The following GLIS3 variants were observed in gnomAD, a reference collection of about 807,000 sequenced individuals.
GLIS3 encodes the protein zinc finger protein GLIS3.
In GLIS3, 53 loss-of-function variants were observed where a neutral mutation model predicts 78.6. The observed-to-expected ratio is 0.67, with a 90% CI of 0.54 to 0.85. GLIS3 has a LOEUF of 0.85. Among genes scored for constraint, GLIS3 ranks in the 40% least tolerant of loss-of-function variants. The pLI is 0.00. For synonymous variants in GLIS3, 684 were observed against 509.9 expected (o/e 1.34, Z -4.60); for missense variants, 1,703 against 1,231.1 (o/e 1.38, Z -5.74).
intron 4 of GLIS3, among the ~76,000 whole-genome samples, chr9:3,978,655 G>C (rs1385708936): frequency 6.6e-6 from 1 of 151,546 alleles, no homozygotes; most frequent in Non-Finnish European, 1.5e-5. Context: ...TACTAATACA[G>C]AGTACATGAA....
chr9:4,265,040 C>T (rs1044734484), intron 2 of GLIS3, among the ~76,000 whole-genome samples: 9 of 151,498 alleles, frequency 5.9e-5, no homozygotes, highest in South Asian at 2.1e-4. Context: ...GGTGTGGTGG[C>T]GGGCGCCTGT....
At chr9:3,894,647 C>T (rs945679447) in intron 7 of GLIS3, among the ~76,000 whole-genome samples, 3 of 152,134 alleles carry the variant, frequency 2.0e-5, no homozygotes, top group Non-Finnish European at 4.4e-5. Context: ...TAACACGTGA[C>T]TTCAAATAAT....
chr9:4,126,107 A>G (rs1259274213), intron 2 of GLIS3, among the ~76,000 whole-genome samples, 166 bp from the exon 3 acceptor site: 2 of 152,086 alleles, frequency 1.3e-5, no homozygotes, highest in Admixed American at 1.3e-4. Flanking sequence ...TCCAATGACA[A>G]AGCCATAACG....
At chr9:3,909,983 G>A (rs890247476) in intron 6 of GLIS3, among the ~76,000 whole-genome samples, 19 of 152,118 alleles carry the variant, frequency 1.2e-4, no homozygotes, top group African/African-American at 4.6e-4. Context: ...CAGCACTACT[G>A]CATACCATGG....
chr9:4,425,594 T>C, the GLIS3 span, among the ~76,000 whole-genome samples: 1 of 152,218 alleles, frequency 6.6e-6, no homozygotes, highest in African/African-American at 2.4e-5. Context: ...GTGGGTTGGG[T>C]TTGCAATGCA....
intron 2 of GLIS3, among the ~76,000 whole-genome samples, chr9:4,190,329 G>C (rs1200476348): frequency 2.0e-5 from 3 of 152,060 alleles, no homozygotes; most frequent in South Asian, 2.1e-4. Flanking sequence ...ATATAGAGAA[G>C]TGCTTAAAGG....
chr9:4,317,732 C>G (rs1817462363), intron 2 of GLIS3, among the ~76,000 whole-genome samples: 1 of 152,116 alleles, frequency 6.6e-6, no homozygotes. Context: ...TATTCAAGTT[C>G]CTACTATGTG....
At chr9:4,380,727 T>C in the GLIS3 span, among the ~76,000 whole-genome samples, 12 of 152,188 alleles carry the variant, frequency 7.9e-5, no homozygotes, top group African/African-American at 2.7e-4. Flanking sequence ...TATGAACATA[T>C]TGTTAAAATT....
intron 4 of GLIS3, among the ~76,000 whole-genome samples, chr9:4,023,808 G>C (rs900955706): frequency 6.6e-6 from 1 of 152,174 alleles, no homozygotes; most frequent in Non-Finnish European, 1.5e-5. Context: ...TGAGGGTGCT[G>C]GTTCACAAAC....
chr9:3,981,164 GC>G (rs1269292879), intron 4 of GLIS3, among the ~76,000 whole-genome samples: 3 of 152,136 alleles, frequency 2.0e-5, no homozygotes, highest in African/African-American at 7.2e-5. Context: ...TAAAACCTTA[GC>G]CCTCTGTGCT....
chr9:4,446,024 A>G, the GLIS3 span, among the ~76,000 whole-genome samples: 7 of 152,248 alleles, frequency 4.6e-5, no homozygotes, highest in Non-Finnish European at 1.0e-4. Flanking sequence ...AAATCTCCCA[A>G]TTTTTAAATT....
intron 4 of GLIS3, among the ~76,000 whole-genome samples, chr9:4,046,914 T>C (rs935223590): frequency 2.6e-5 from 4 of 152,226 alleles, no homozygotes; most frequent in African/African-American, 9.6e-5. Context: ...AAGGATATTT[T>C]ACCTCAATGT....
Position 4,019,748 on chromosome 9 carries a change from T to G in GLIS3, c.1711-82559A>C, listed in dbSNP as rs149133284. On this transcript the variant is annotated intron_variant, in intron 4 of 10. Coordinates refer to ENST00000381971, the MANE Select transcript of GLIS3 (RefSeq NM_001042413.2). ...TATTTTTATTTTTATTTATTTACTT[T>G]TAGAGACAGTGTCTCACTCTGTTGC... Among the ~76,000 whole-genome samples the G allele has an allele frequency of 5.7e-3, 867 of 152,278 alleles. 12 individuals carry two copies. Among genetic ancestry groups the G allele is most frequent in the East Asian group, 0.034 (178 of 5,186 alleles).
chr9:3,962,597 T>C (rs979940815), intron 4 of GLIS3, among the ~76,000 whole-genome samples: 1 of 152,240 alleles, frequency 6.6e-6, no homozygotes, highest in Non-Finnish European at 1.5e-5. Flanking sequence ...TGTAGGCTCA[T>C]AGTTTGTCAC....
chr9:4,354,957 A>T, the GLIS3 span, among the ~76,000 whole-genome samples: 1 of 152,056 alleles, frequency 6.6e-6, no homozygotes, highest in Non-Finnish European at 1.5e-5. Flanking sequence ...TCTACTAAAA[A>T]TACCAAAAAT....
chr9:3,925,359 C>G (rs1825146819), intron 6 of GLIS3, among the ~76,000 whole-genome samples: 1 of 152,128 alleles, frequency 6.6e-6, no homozygotes, highest in Non-Finnish European at 1.5e-5. Context: ...GGTCTTGCTT[C>G]TAAATCCTCA....
the GLIS3 span, among the ~76,000 whole-genome samples, chr9:4,411,784 A>T: frequency 6.6e-6 from 1 of 152,198 alleles, no homozygotes; most frequent in East Asian, 1.9e-4. Flanking sequence ...TCTTATGCCG[A>T]AGTTTTTGCA....
At chr9:4,321,941 C>T (rs1817535259) in intron 2 of GLIS3, among the ~76,000 whole-genome samples, 1 of 152,070 alleles carries the variant, frequency 6.6e-6, no homozygotes, top group Admixed American at 6.5e-5. Flanking sequence ...AGGTTTGTTA[C>T]ATATGTATAC....
intron 6 of GLIS3, among the ~76,000 whole-genome samples, chr9:3,925,606 C>CGTGTGT (rs200777823): frequency 6.6e-6 from 1 of 151,254 alleles, no homozygotes; most frequent in Admixed American, 6.6e-5. Context: ...CGTGTGCGCG[C>CGTGTGT]GTGTGTGTGT....
Sources: gnomAD v4.1 joint callset for allele counts (sites outside exome capture counted in the v4.1 genomes callset) on GRCh38, gnomAD v4.1.1 for gene constraint, MANE v1.5 for transcripts, NCBI Gene and HGNC (gene_info 2026-07-23, HGNC 2026-07-21) for gene names.